The following MSI2 variants were observed in gnomAD, a reference collection of about 807,000 sequenced individuals.
MSI2 encodes musashi RNA binding protein 2.
In MSI2, 17 loss-of-function variants were observed where a neutral mutation model predicts 45.6. The observed-to-expected ratio is 0.37, with a 90% confidence interval of 0.26 to 0.56. The LOEUF is 0.56. Among genes scored for constraint, MSI2 ranks in the 20% least tolerant of loss-of-function variants. The pLI is 0.77. For missense variants in MSI2, 293 were observed against 444.2 expected, an observed-to-expected ratio of 0.66 and a Z score of 3.06; for synonymous variants, 156 against 158.2, an observed-to-expected ratio of 0.99 and a Z score of 0.11.
intron 11 of MSI2, among the ~76,000 whole-genome samples, chr17:57,658,553 A>T (rs1911766858): frequency 6.6e-6 from 1 of 152,226 alleles, no homozygotes; most frequent in Non-Finnish European, 1.5e-5. Flanking sequence ...TTCAGACCAA[A>T]CCTGTTGAGG....
intron 7 of MSI2, among the ~76,000 whole-genome samples, chr17:57,584,878 T>C (rs1340293547): frequency 1.3e-5 from 2 of 151,880 alleles, no homozygotes; most frequent in African/African-American, 4.8e-5. Flanking sequence ...CTAGAATGCA[T>C]TGGCATGATC....
intron 12 of MSI2, among the ~76,000 whole-genome samples, chr17:57,676,272 GCACGCACA>G (rs1366263666): frequency 1.3e-5 from 2 of 151,980 alleles, no homozygotes; most frequent in Admixed American, 6.6e-5. Context: ...GCACGCACAC[GCACGCACA>G]CACGCACACA....
At chr17:57,256,162 CGCA>C (rs1197764583), upstream of MSI2, among the ~76,000 whole-genome samples, 3 of 152,106 alleles carry the variant, frequency 2.0e-5, no homozygotes, top group East Asian at 5.9e-4. Context: ...GGTGAGGAGC[CGCA>C]GCAAGCTCCC....
chr17:57,346,350 G>GC (rs947454470), intron 5 of MSI2, among the ~76,000 whole-genome samples: 21 of 90,896 alleles, frequency 2.3e-4, no homozygotes, highest in Middle Eastern at 6.2e-3. Flanking sequence ...ACACATTTTG[G>GC]GGGGGGGGGT....
At chr17:57,390,307 T>C (rs2083765778) in intron 5 of MSI2, among the ~76,000 whole-genome samples, 1 of 152,180 alleles carries the variant, frequency 6.6e-6, no homozygotes, top group East Asian at 1.9e-4. Context: ...TCCCGTTAGA[T>C]GGCAGAAGTA....
chr17:57,257,396 C>A (rs1484900807), intron 2 of MSI2, 70 bp from the exon 3 acceptor site: 3 of 967,612 alleles, frequency 3.1e-6, no homozygotes, highest in South Asian at 1.5e-5. Context: ...TGTCCTTGAT[C>A]AAAATTTGCA....
chr17:57,462,854 C>T (rs953434721), intron 6 of MSI2, among the ~76,000 whole-genome samples: 25 of 152,306 alleles, frequency 1.6e-4, no homozygotes, highest in African/African-American at 5.8e-4. Context: ...GCTGCTGTGC[C>T]GGCACCTTCC....
In MSI2 at chr17:57,649,590, C is replaced by G. The variant is rs181380157; in HGVS notation, c.728-2509C>G. 1.7e-3 allele frequency among the ~76,000 whole-genome samples: 256 copies of G among 152,328 alleles called. 1 individual carries two copies. The highest frequency in any genetic ancestry group is 5.2e-3 in the African/African-American group (215 of 41,568). On this transcript the variant is annotated intron_variant, in intron 10 of 13. Coordinates refer to ENST00000284073, the MANE Select transcript of MSI2 (RefSeq NM_138962.4). ...AACACATACACACCCAACACACACACCCCTTGTATCTGTGCTTGCCCATCT... is the reference window on the plus strand; with the variant it reads ...AACACATACACACCCAACACACACAGCCCTTGTATCTGTGCTTGCCCATCT...
At chr17:57,587,861 T>C (rs918526124) in intron 7 of MSI2, among the ~76,000 whole-genome samples, 2 of 152,150 alleles carry the variant, frequency 1.3e-5, no homozygotes, top group Non-Finnish European at 2.9e-5. Flanking sequence ...GGGGGAGAAA[T>C]TAATTGACAC....
At chr17:57,568,733 A>G (rs1206430355) in intron 7 of MSI2, among the ~76,000 whole-genome samples, 4 of 152,232 alleles carry the variant, frequency 2.6e-5, no homozygotes, top group African/African-American at 4.8e-5. Flanking sequence ...CCTTCATGTT[A>G]AAATTGCCAT....
intron 5 of MSI2, among the ~76,000 whole-genome samples, chr17:57,320,474 G>A: frequency 6.6e-6 from 1 of 152,166 alleles, no homozygotes; most frequent in South Asian, 2.1e-4. Context: ...GTATGCTGGG[G>A]CTGTTTTGGA....
chr17:57,549,519 A>G (rs967529426), intron 7 of MSI2, among the ~76,000 whole-genome samples: 1 of 152,158 alleles, frequency 6.6e-6, no homozygotes, highest in South Asian at 2.1e-4. Flanking sequence ...ATCCTCAGCT[A>G]TAATACCGTT....
rs139333643 is a variant in MSI2, at chr17:57,277,547, G to C, written c.312+15355G>C. On this transcript the variant is annotated intron_variant, in intron 5 of 13. Transcript: ENST00000284073. ...TGTTTCGATTTCCCCATCTGTAGACGGGAAGAATGAAGGCATGTGGTGGGA... is the reference window on the plus strand; with the variant it reads ...TGTTTCGATTTCCCCATCTGTAGACCGGAAGAATGAAGGCATGTGGTGGGA... 4.2e-3 allele frequency among the ~76,000 whole-genome samples: 640 copies of C among 152,278 alleles called. 3 individuals carry two copies. The highest frequency in any genetic ancestry group is 0.015 in the African/African-American group (607 of 41,560).
chr17:57,432,122 T>C (rs914611511), intron 6 of MSI2, among the ~76,000 whole-genome samples: 18 of 152,292 alleles, frequency 1.2e-4, no homozygotes, highest in African/African-American at 4.1e-4. Context: ...TTGAAAAAAA[T>C]TGAGCTGTCT....
intron 5 of MSI2, among the ~76,000 whole-genome samples, chr17:57,363,319 C>T (rs1019104871): frequency 6.6e-6 from 1 of 152,190 alleles, no homozygotes; most frequent in Non-Finnish European, 1.5e-5. Flanking sequence ...TAGAGCTCCC[C>T]ACCCCTTATG....
At chr17:57,633,982 G>A (rs1909632001) in intron 10 of MSI2, among the ~76,000 whole-genome samples, 1 of 152,090 alleles carries the variant, frequency 6.6e-6, no homozygotes, top group South Asian at 2.1e-4. Context: ...CCACCGTCAG[G>A]CCCCATCCTT....
At chr17:57,319,416 C>G (rs1463674913) in intron 5 of MSI2, among the ~76,000 whole-genome samples, 1 of 152,182 alleles carries the variant, frequency 6.6e-6, no homozygotes, top group African/African-American at 2.4e-5. Flanking sequence ...TCAGAATGCA[C>G]TTTTGTTCAC....
chr17:57,418,160 G>C (rs778498459), intron 6 of MSI2, among the ~76,000 whole-genome samples: 1 of 152,208 alleles, frequency 6.6e-6, no homozygotes, highest in Non-Finnish European at 1.5e-5. Flanking sequence ...GAGTGTGGCT[G>C]TGTTCCAATT....
intron 5 of MSI2, among the ~76,000 whole-genome samples, chr17:57,309,693 A>G (rs532773139): frequency 4.6e-5 from 7 of 152,286 alleles, no homozygotes; most frequent in Middle Eastern, 6.8e-3. Flanking sequence ...TTAGTGCCAG[A>G]TGGTCACGTG....
Sources: allele counts gnomAD v4.1 joint callset (sites outside exome capture counted in the v4.1 genomes callset), GRCh38; gene constraint gnomAD v4.1.1; transcripts MANE v1.5; gene names NCBI Gene and HGNC (gene_info 2026-07-23, HGNC 2026-07-21).